Variants in DSE observed in about 807,000 individuals in gnomAD.
DSE encodes dermatan sulfate epimerase, also known as dermatan-sulfate epimerase.
A neutral mutation model predicts 84.4 loss-of-function variants in DSE; 36 were observed. The observed-to-expected ratio is 0.43, with a 90% CI of 0.33 to 0.56. The LOEUF is 0.56. Ranked by LOEUF, DSE falls within the 20% of genes least tolerant of loss-of-function variation. The pLI is 0.06. For missense variants in DSE, 862 were observed against 1,169.6 expected (o/e 0.74, Z 3.84); for synonymous variants, 410 against 430.1 (o/e 0.95, Z 0.58).
chr6:116,261,219 CTTTA>C (rs149043767), intron 2 of DSE, among the ~76,000 whole-genome samples: 12 of 151,342 alleles, frequency 7.9e-5, no homozygotes, highest in Admixed American at 2.6e-4. Flanking sequence ...TTCCTAGGTA[CTTTA>C]TTTATTTATT....
At chr6:116,273,529 G>C (rs1045985145) in intron 2 of DSE, among the ~76,000 whole-genome samples, 1 of 152,088 alleles carries the variant, frequency 6.6e-6, no homozygotes, top group Non-Finnish European at 1.5e-5. Flanking sequence ...TATAGTCTAG[G>C]ACTTTAATTA....
At chr6:116,336,940 T>C (rs1168935267) in intron 2 of DSE, among the ~76,000 whole-genome samples, 2 of 152,198 alleles carry the variant, frequency 1.3e-5, no homozygotes, top group Admixed American at 1.3e-4. Flanking sequence ...TAAGGCTACA[T>C]TTCATGACTA....
chr6:116,326,620 C>A (rs1404498614), intron 2 of DSE, among the ~76,000 whole-genome samples: 1 of 152,210 alleles, frequency 6.6e-6, no homozygotes, highest in East Asian at 1.9e-4. Context: ...TACACTGTGT[C>A]TCTCTTGCTT....
intron 2 of DSE, among the ~76,000 whole-genome samples, chr6:116,407,141 G>A (rs183058065): frequency 2.7e-4 from 41 of 152,192 alleles, no homozygotes; most frequent in African/African-American, 4.8e-4. Context: ...CCTGGGTTTC[G>A]CCCAGACTCA....
chr6:116,431,835 T>G (rs542711398), intron 4 of DSE, among the ~76,000 whole-genome samples: 2 of 152,324 alleles, frequency 1.3e-5, no homozygotes, highest in Admixed American at 6.5e-5. Context: ...GAGAACTTTG[T>G]AACCTTTTTT....
chr6:116,370,617 C>A, upstream of DSE: 1 of 751,208 alleles, frequency 1.3e-6, no homozygotes, highest in Non-Finnish European at 1.6e-6. Context: ...GAACCCGAAG[C>A]GTTTGAGTCC....
At chr6:116,330,935 C>G (rs1368573313) in intron 2 of DSE, among the ~76,000 whole-genome samples, 2 of 152,074 alleles carry the variant, frequency 1.3e-5, no homozygotes. Flanking sequence ...TGAAATGTCA[C>G]AAGTTGAGTT....
chr6:116,343,319 G>T (rs2114826453), intron 2 of DSE, among the ~76,000 whole-genome samples: 1 of 152,348 alleles, frequency 6.6e-6, no homozygotes, highest in South Asian at 2.1e-4. Context: ...CATGGAGTTT[G>T]TGATCTGAGA....
At chr6:116,381,137 C>T (rs1380467857) in intron 1 of DSE, among the ~76,000 whole-genome samples, 1 of 152,062 alleles carries the variant, frequency 6.6e-6, no homozygotes, top group African/African-American at 2.4e-5. Context: ...ACATGGGTTC[C>T]CAGGGGAGAT....
intron 2 of DSE, among the ~76,000 whole-genome samples, chr6:116,304,540 A>T (rs760089747): frequency 6.6e-6 from 1 of 152,208 alleles, no homozygotes; most frequent in Non-Finnish European, 1.5e-5. Context: ...CAATAGCCTC[A>T]CATCATTTCA....
At chr6:116,403,978 G>A (rs972042534) in intron 2 of DSE, among the ~76,000 whole-genome samples, 1 of 152,154 alleles carries the variant, frequency 6.6e-6, no homozygotes, top group Admixed American at 6.5e-5. Flanking sequence ...GGGAGGGAGT[G>A]GGGGTGGTGA....
chr6:116,427,861 C>G (rs1783550275), intron 3 of DSE, among the ~76,000 whole-genome samples: 2 of 152,142 alleles, frequency 1.3e-5, no homozygotes, highest in Admixed American at 6.5e-5. Flanking sequence ...TGCTAGCTCC[C>G]CTTGTCCCCT....
chr6:116,405,953 TC>T (rs1171603396), intron 2 of DSE, among the ~76,000 whole-genome samples: 1 of 152,234 alleles, frequency 6.6e-6, no homozygotes, highest in Non-Finnish European at 1.5e-5. Context: ...TTTAAACTCT[TC>T]CCCATCTATT....
intron 2 of DSE, among the ~76,000 whole-genome samples, chr6:116,414,570 G>T (rs1444546500): frequency 2.6e-5 from 4 of 152,048 alleles, no homozygotes; most frequent in Non-Finnish European, 1.5e-5. Flanking sequence ...GTGCCACCAC[G>T]CCCAGCTAAT....
In DSE at chr6:116,435,666, G is replaced by A. The variant is rs763556352; in HGVS notation, c.1198G>A (p.Val400Met). Reference sequence around the variant, plus strand: ...GCATTATTTTGAAGACTGGGGTGTCGTGACTTATGGAAGTGCACTACCTGC... The same window carrying A: ...GCATTATTTTGAAGACTGGGGTGTCATGACTTATGGAAGTGCACTACCTGC... ...TLHYFEDWGV[V>M]TYGSALPAEI... The change falls in exon 6 of 6, where the codon GTG (valine) becomes ATG (methionine). Residue 400 changes from valine to methionine, a missense_variant. Val to Met is a conservative substitution (Grantham distance 21). Around this residue, in one of 4 missense-constraint regions of DSE, gnomAD observed 309 missense variants for 516.9 expected, o/e 0.60. Transcript: ENST00000644252. 3.1e-5 allele frequency: 50 copies of A among 1,613,964 alleles called. No individual in the cohort carries two copies. The South Asian group carries it at 3.3e-4, about 11-fold the overall frequency.
At chr6:116,385,179 G>A (rs1041890149) in intron 1 of DSE, among the ~76,000 whole-genome samples, 1 of 152,168 alleles carries the variant, frequency 6.6e-6, no homozygotes, top group Non-Finnish European at 1.5e-5. Context: ...CTGGACAGTC[G>A]GACATGAAGG....
intron 2 of DSE, among the ~76,000 whole-genome samples, chr6:116,337,467 G>A (rs1240181231): frequency 7.9e-5 from 12 of 152,072 alleles, no homozygotes; most frequent in East Asian, 3.8e-4. Context: ...AAAATTAGCC[G>A]GGTGTGGTGG....
chr6:116,346,636 A>G (rs1224918848), intron 2 of DSE, among the ~76,000 whole-genome samples: 1 of 152,236 alleles, frequency 6.6e-6, no homozygotes, highest in Non-Finnish European at 1.5e-5. Context: ...AATAAGAGCT[A>G]TTTATGACAA....
At chr6:116,378,907 A>G (rs1241908995) in intron 1 of DSE, among the ~76,000 whole-genome samples, 1 of 152,182 alleles carries the variant, frequency 6.6e-6, no homozygotes, top group African/African-American at 2.4e-5. Context: ...GGGGGCATTC[A>G]TCAGTCATGT....
Sources: gnomAD v4.1 joint callset for allele counts (sites outside exome capture counted in the v4.1 genomes callset) on GRCh38, gnomAD v4.1.1 for gene constraint, gnomAD v4.1.1 regional missense constraint, MANE v1.5 for transcripts, NCBI Gene and HGNC (gene_info 2026-07-23, HGNC 2026-07-21) for gene names.